LEKR1: variants seen among roughly 807,000 people sequenced by gnomAD.
LEKR1 encodes protein LEKR1.
A neutral mutation model predicts 72.4 loss-of-function variants in LEKR1; 59 were observed. The ratio of observed to expected loss-of-function variants is 0.82; its 90% CI spans 0.66 to 1.01. LEKR1 has a LOEUF of 1.01. Ranked by LOEUF, LEKR1 falls within the 50% of genes least tolerant of loss-of-function variation. The probability of loss-of-function intolerance (pLI) is 0.00; values close to 1 mark genes in which losing one functional copy is unlikely to be tolerated. For synonymous variants in LEKR1, 257 were observed against 263.2 expected, an observed-to-expected ratio of 0.98 and a Z score of 0.23; for missense variants, 728 against 759.2, an observed-to-expected ratio of 0.96 and a Z score of 0.48.
intron 7 of LEKR1, among the ~76,000 whole-genome samples, chr3:156,985,842 CA>C (rs34169262): frequency 0.1 from 11,971 of 119,332 alleles, 489 homozygotes; most frequent in African/African-American, 0.15. Flanking sequence ...GACTCTGTGT[CA>C]AAAAAAAAAA....
intron 5 of LEKR1, among the ~76,000 whole-genome samples, chr3:156,938,969 C>G (rs1026538229): frequency 6.6e-6 from 1 of 152,152 alleles, no homozygotes; most frequent in Admixed American, 6.6e-5. Context: ...ATTGTACTTG[C>G]GTTAGCTAGT....
intron 5 of LEKR1, among the ~76,000 whole-genome samples, chr3:156,934,601 T>C (rs1156566518): frequency 6.6e-6 from 1 of 152,168 alleles, no homozygotes; most frequent in African/African-American, 2.4e-5. Flanking sequence ...ATATAAACAC[T>C]TAATAATTAG....
rs867485746 is a variant in LEKR1 at position 156,986,683 on chromosome 3, G to A, written c.828-5970G>A. Among the ~76,000 whole-genome samples the A allele has an allele frequency of 7.2e-4, 110 of 152,306 alleles. 2 individuals are homozygous for A. Among genetic ancestry groups the A allele is most frequent in the African/African-American group, 2.6e-3 (108 of 41,562 alleles). ...CCCAGCACTACAACTTAGTAGTTACGTCAACTTGGGCAAGTTTCTTTTCTC... is the reference window on the plus strand; with the variant it reads ...CCCAGCACTACAACTTAGTAGTTACATCAACTTGGGCAAGTTTCTTTTCTC... On this transcript the variant is annotated intron_variant, in intron 7 of 12. Coordinates refer to ENST00000356539, the MANE Select transcript of LEKR1 (RefSeq NM_001004316.3).
At chr3:157,032,427 A>T (rs142659002) in intron 12 of LEKR1, among the ~76,000 whole-genome samples, 13 of 152,370 alleles carry the variant, frequency 8.5e-5, no homozygotes, top group African/African-American at 3.1e-4. Context: ...ACTCAAAAAT[A>T]GAAAATAATG....
At chr3:156,888,005 A>G (rs1720280604) in intron 3 of LEKR1, among the ~76,000 whole-genome samples, 1 of 152,208 alleles carries the variant, frequency 6.6e-6, no homozygotes, top group Non-Finnish European at 1.5e-5. Context: ...AAATCATTAT[A>G]GAGGTAATCT....
At chr3:157,019,008 T>G (rs571468288) in intron 10 of LEKR1, among the ~76,000 whole-genome samples, 8 of 152,320 alleles carry the variant, frequency 5.3e-5, no homozygotes, top group African/African-American at 1.9e-4. Flanking sequence ...CTTTTATTAT[T>G]TATTCAGTAG....
chr3:156,972,312 A>T (rs1729281711), intron 6 of LEKR1, among the ~76,000 whole-genome samples: 1 of 150,984 alleles, frequency 6.6e-6, no homozygotes, highest in African/African-American at 2.4e-5. Flanking sequence ...GGACACAGGA[A>T]GGGGAACATC....
At chr3:156,887,349 G>A (rs145214044) in intron 3 of LEKR1, among the ~76,000 whole-genome samples, 38 of 152,290 alleles carry the variant, frequency 2.5e-4, no homozygotes, top group Non-Finnish European at 4.1e-4. Flanking sequence ...GAGTGAGGCA[G>A]TGAGTGTGGC....
At chr3:156,994,089 G>A (rs1377934496) in intron 9 of LEKR1, among the ~76,000 whole-genome samples, 1 of 151,928 alleles carries the variant, frequency 6.6e-6, no homozygotes, top group Non-Finnish European at 1.5e-5. Flanking sequence ...ATCATTTTCT[G>A]TGCACAGAAG....
chr3:156,852,563 CTTT>C (rs767875649), intron 2 of LEKR1, among the ~76,000 whole-genome samples: 5 of 152,084 alleles, frequency 3.3e-5, no homozygotes, highest in Non-Finnish European at 5.9e-5. Flanking sequence ...TCTGAAAGAT[CTTT>C]TTCTAATCCC....
intron 3 of LEKR1, among the ~76,000 whole-genome samples, chr3:156,906,479 A>G (rs1337352033): frequency 6.6e-6 from 1 of 152,182 alleles, no homozygotes; most frequent in Non-Finnish European, 1.5e-5. Flanking sequence ...ATTTTCAGGA[A>G]CACCCTCTGA....
At chr3:156,892,248 A>C (rs1720743309) in intron 3 of LEKR1, among the ~76,000 whole-genome samples, 1 of 151,916 alleles carries the variant, frequency 6.6e-6, no homozygotes, top group East Asian at 1.9e-4. Context: ...AAGCGTAGAT[A>C]ATTGATGTTA....
chr3:156,854,634 G>A (rs550558694), intron 3 of LEKR1, among the ~76,000 whole-genome samples: 4 of 150,058 alleles, frequency 2.7e-5, no homozygotes, highest in East Asian at 2.0e-4. Context: ...TTGACCTTCC[G>A]GACTCAAGCT....
chr3:156,881,101 G>A (rs1719278257), intron 3 of LEKR1, among the ~76,000 whole-genome samples: 2 of 152,164 alleles, frequency 1.3e-5, no homozygotes, highest in African/African-American at 4.8e-5. Context: ...AGAGAGGGAT[G>A]CCCTCTCTCA....
At chr3:156,834,029 G>A (rs769188844) in intron 2 of LEKR1, among the ~76,000 whole-genome samples, 9 of 151,036 alleles carry the variant, frequency 6.0e-5, no homozygotes, top group Admixed American at 2.0e-4. Flanking sequence ...TACTATTAAT[G>A]TTAGGCCCAA....
chr3:156,871,009 GGTTA>G (rs1271114211), intron 3 of LEKR1, among the ~76,000 whole-genome samples: 5 of 151,900 alleles, frequency 3.3e-5, no homozygotes, highest in Admixed American at 6.6e-5. Context: ...ACAATGTGCA[GGTTA>G]GTTACATATG....
intron 7 of LEKR1, chr3:156,979,803 A>T (rs1730020253): frequency 6.6e-6 from 1 of 152,242 alleles, no homozygotes; most frequent in Non-Finnish European, 1.5e-5. Flanking sequence ...TATTTCTTTT[A>T]AAAATTAATT....
At chr3:156,900,700 G>C (rs1721941986) in intron 3 of LEKR1, among the ~76,000 whole-genome samples, 1 of 152,174 alleles carries the variant, frequency 6.6e-6, no homozygotes, top group Non-Finnish European at 1.5e-5. Flanking sequence ...CTAATTGTTT[G>C]CTAGAGTATT....
intron 3 of LEKR1, among the ~76,000 whole-genome samples, chr3:156,870,710 G>A (rs1717824310): frequency 6.6e-6 from 1 of 151,912 alleles, no homozygotes; most frequent in Non-Finnish European, 1.5e-5. Context: ...ATACAGTACT[G>A]AGTGGAATAG....
Sources: gnomAD v4.1 joint callset for allele counts (sites outside exome capture counted in the v4.1 genomes callset) on GRCh38, gnomAD v4.1.1 for gene constraint, MANE v1.5 for transcripts, NCBI Gene and HGNC (gene_info 2026-07-23, HGNC 2026-07-21) for gene names.